FSHR: variants seen among roughly 807,000 people sequenced by gnomAD.
FSHR encodes the protein follicle stimulating hormone receptor.
In FSHR, 46 loss-of-function variants were observed where a neutral mutation model predicts 52.1. The ratio of observed to expected loss-of-function variants is 0.88; its 90% CI spans 0.70 to 1.13. The LOEUF (loss-of-function observed/expected upper bound fraction) is 1.13, where lower values mean the gene tolerates loss of function less well. Ranked by LOEUF, FSHR falls within the 50% of genes most tolerant of loss-of-function variation. FSHR has a pLI of 0.00. For missense variants in FSHR, 964 were observed against 834.6 expected, an observed-to-expected ratio of 1.16 and a Z score of -1.91; for synonymous variants, 399 against 309.6, an observed-to-expected ratio of 1.29 and a Z score of -3.03.
chr2:48,991,142 G>A (rs1675756708), intron 4 of FSHR, among the ~76,000 whole-genome samples: 2 of 152,096 alleles, frequency 1.3e-5, no homozygotes, highest in South Asian at 2.1e-4. Context: ...TAGAGCTTCT[G>A]CTGTCATTAC....
chr2:49,128,269 G>A (rs1452682246), intron 1 of FSHR, among the ~76,000 whole-genome samples: 1 of 151,954 alleles, frequency 6.6e-6, no homozygotes, highest in East Asian at 1.9e-4. Flanking sequence ...GACACTTGTT[G>A]AATAAATGAG....
intron 2 of FSHR, among the ~76,000 whole-genome samples, chr2:49,038,286 G>A (rs1259523335): frequency 6.6e-6 from 1 of 152,202 alleles, no homozygotes; most frequent in East Asian, 1.9e-4. Context: ...TGAAGTCTCT[G>A]GCAAGTAATA....
intron 1 of FSHR, among the ~76,000 whole-genome samples, chr2:49,144,270 T>C (rs1672791649): frequency 6.6e-6 from 1 of 152,168 alleles, no homozygotes; most frequent in South Asian, 2.1e-4. Flanking sequence ...TTTCTTTGGC[T>C]GAGGTTCTTA....
chr2:49,127,811 CTT>C (rs1558456458), intron 1 of FSHR, among the ~76,000 whole-genome samples: 11 of 51,550 alleles, frequency 2.1e-4, no homozygotes, highest in Admixed American at 6.4e-4. Context: ...TCTTCTTCTT[CTT>C]CTTCTTCTTC....
Position 49,151,743 on chromosome 2 carries a change from T to C in FSHR, c.152+2523A>G, listed in dbSNP as rs188571680. ...GTTAATACGCAAACTTGGAAGATTG[T>C]AAGGTGAATTAGAGATACTTAGTTG... On this transcript the variant is annotated intron_variant, in intron 1 of 9. Transcript: ENST00000406846. Among the ~76,000 whole-genome samples, 12 of 152,238 alleles carry C rather than the reference T, an allele frequency of 7.9e-5. No individual in the cohort carries two copies. The East Asian group carries it at 1.9e-3, about 24-fold the overall frequency.
At position 49,123,744 on chromosome 2, in the gene FSHR, G is replaced by A. The variant is rs781221306; in HGVS notation, c.152+30522C>T. Reference sequence around the variant, plus strand: ...ATTCAGTGTTTCTCCCCAGGGGAGAGAGAGAGAAGGGATTCAGTAGAAGCA... The same window carrying A: ...ATTCAGTGTTTCTCCCCAGGGGAGAAAGAGAGAAGGGATTCAGTAGAAGCA... On this transcript the variant is annotated intron_variant, in intron 1 of 9. Coordinates refer to ENST00000406846, the MANE Select transcript of FSHR (RefSeq NM_000145.4). Among the ~76,000 whole-genome samples, 120 of 152,300 alleles carry A rather than the reference G, an allele frequency of 7.9e-4. 1 individual carries two copies. The highest frequency in any genetic ancestry group is 5.6e-3 in the South Asian group (27 of 4,824).
rs1674264721 is a variant in FSHR at position 48,962,447 on chromosome 2, A to G, written c.*286T>C. On this transcript the variant is annotated 3_prime_UTR_variant, in exon 10 of 10. Coordinates refer to ENST00000406846, the MANE Select transcript of FSHR (RefSeq NM_000145.4). ...GCTTATTTAACAGGGATCACTTGAGATATCTGAACAAAAGCACTTTGAACA... is the reference window on the plus strand; with the variant it reads ...GCTTATTTAACAGGGATCACTTGAGGTATCTGAACAAAAGCACTTTGAACA... The G allele has an allele frequency of 2.6e-6, 1 of 388,494 alleles. No individual in the cohort carries two copies. Among genetic ancestry groups the G allele is most frequent in the South Asian group, 2.4e-5 (1 of 41,180 alleles). The allele number at this position is 388,494 out of a possible 1,614,324, so 24.1% of individuals were successfully genotyped here.
intron 2 of FSHR, among the ~76,000 whole-genome samples, chr2:49,027,183 C>T (rs1342622655): frequency 1.3e-5 from 2 of 152,200 alleles, no homozygotes; most frequent in African/African-American, 4.8e-5. Flanking sequence ...CTCTCAATTA[C>T]TCTCTTCTGT....
chr2:49,011,601 G>A (rs1382424562), intron 4 of FSHR, among the ~76,000 whole-genome samples: 5 of 151,974 alleles, frequency 3.3e-5, no homozygotes, highest in Admixed American at 6.6e-5. Flanking sequence ...TCTAAATGTC[G>A]ATCATTTGTC....
Position 48,962,709 on chromosome 2 carries a change from T to G in FSHR, c.*24A>C, listed in dbSNP as rs1674281642. The G allele has an allele frequency of 1.9e-6, 3 of 1,607,198 alleles. No homozygotes were observed. The highest frequency in any genetic ancestry group is 2.7e-5 in the African/African-American group (2 of 74,890). ...GCAAGACTGAATTATCATTCAATAC[T>G]CAGATACATTTTCACATTGTGTTTT... On this transcript the variant is annotated 3_prime_UTR_variant, in exon 10 of 10. Transcript: ENST00000406846.
chr2:49,133,309 T>C (rs377752423), intron 1 of FSHR, among the ~76,000 whole-genome samples: 4 of 152,206 alleles, frequency 2.6e-5, no homozygotes, highest in African/African-American at 9.6e-5. Context: ...GGGTCTCTGA[T>C]AGCTCTTGTC....
chr2:48,981,867 T>TA (rs1675262072), intron 8 of FSHR, among the ~76,000 whole-genome samples: 1 of 152,100 alleles, frequency 6.6e-6, no homozygotes, highest in Non-Finnish European at 1.5e-5. Context: ...AACTGCCAAA[T>TA]AAGAGGTTCA....
intron 8 of FSHR, among the ~76,000 whole-genome samples, chr2:48,970,336 C>T (rs781206713): frequency 5.3e-5 from 8 of 152,148 alleles, no homozygotes. Flanking sequence ...AGTTTCTCTT[C>T]AGCCTCTCGG....
rs991234329 is a variant in FSHR at position 49,154,513 on chromosome 2, T to G, written c.-96A>C. ...CACACAGTGCCCTTATGAGAAGAGA[T>G]CTGACTTGAGAACTGGTAGGGTCAT... On this transcript the variant is annotated 5_prime_UTR_variant, in exon 1 of 10. Coordinates refer to ENST00000406846, the MANE Select transcript of FSHR (RefSeq NM_000145.4). 9.2e-5 allele frequency: 123 copies of G among 1,336,106 alleles called. No individual in the cohort carries two copies. Among genetic ancestry groups the G allele is most frequent in the Non-Finnish European group, 1.5e-5 (14 of 937,394 alleles). 82.8% of individuals were successfully genotyped at this position (1,336,106 alleles called of 1,614,324 possible).
chr2:49,065,725 A>G (rs1669479419), intron 2 of FSHR, among the ~76,000 whole-genome samples: 1 of 152,030 alleles, frequency 6.6e-6, no homozygotes, highest in Non-Finnish European at 1.5e-5. Flanking sequence ...ACATTATCTG[A>G]CAACTGGTCA....
rs933493432 is a variant in FSHR at position 49,031,671 on chromosome 2, G to C, written c.225-11511C>G. Among the ~76,000 whole-genome samples the C allele has an allele frequency of 2.6e-5, 4 of 152,116 alleles. 1 individual carries two copies. The highest frequency in any genetic ancestry group is 2.0e-4 in the Admixed American group (3 of 15,268). On this transcript the variant is annotated intron_variant, in intron 2 of 9. Transcript: ENST00000406846. Reference sequence around the variant, plus strand: ...AAAGCTATTACTTCCAGGGAAGGAGGTATCTAGGTTATCAGCCAGGCAGCA... The same window carrying C: ...AAAGCTATTACTTCCAGGGAAGGAGCTATCTAGGTTATCAGCCAGGCAGCA...
At chr2:48,978,479 A>G (rs1370235367) in intron 8 of FSHR, among the ~76,000 whole-genome samples, 1 of 152,278 alleles carries the variant, frequency 6.6e-6, no homozygotes, top group Non-Finnish European at 1.5e-5. Flanking sequence ...CTGAACTATC[A>G]AATGAATCTG....
chr2:48,977,669 A>G (rs1430277610), intron 8 of FSHR, among the ~76,000 whole-genome samples: 1 of 152,194 alleles, frequency 6.6e-6, no homozygotes, highest in Non-Finnish European at 1.5e-5. Context: ...CTGGGGAGTA[A>G]CATTCATCCC....
rs571004948 is a variant in FSHR, at chr2:49,057,982, A to C, written c.224+10237T>G. On this transcript the variant is annotated intron_variant, in intron 2 of 9. Transcript: ENST00000406846. ...AAATTCAACATGCTTTCATGATAAA[A>C]ACTCTCAATAAATTAGGTATAGAAG... is the stretch of plus-strand genomic sequence containing the variant. 1.4e-3 allele frequency among the ~76,000 whole-genome samples: 210 copies of C among 152,310 alleles called. 7 individuals are homozygous for C. The South Asian group carries it at 0.037, about 27-fold the overall frequency.
Sources: gnomAD v4.1 joint callset for allele counts (sites outside exome capture counted in the v4.1 genomes callset) on GRCh38, gnomAD v4.1.1 for gene constraint, MANE v1.5 for transcripts, NCBI Gene and HGNC (gene_info 2026-07-23, HGNC 2026-07-21) for gene names.